MAD1L1: variants seen among roughly 807,000 people sequenced by gnomAD.
MAD1L1 encodes mitotic arrest deficient 1 like 1, also known as mitotic spindle assembly checkpoint protein MAD1.
A neutral mutation model predicts 96.9 loss-of-function variants in MAD1L1; 95 were observed. The ratio of observed to expected loss-of-function variants is 0.98; its 90% confidence interval spans 0.83 to 1.16. The LOEUF (loss-of-function observed/expected upper bound fraction) is 1.16, where lower values mean the gene tolerates loss of function less well. MAD1L1 is among the 50% of genes most tolerant of loss of function. MAD1L1 has a pLI of 0.00. For missense variants in MAD1L1, 1,007 were observed against 954.4 expected (o/e 1.06, Z -0.73); for synonymous variants, 473 against 396.6 (o/e 1.19, Z -2.29).
At chr7:2,098,949 G>A (rs1033495217) in intron 11 of MAD1L1, among the ~76,000 whole-genome samples, 1 of 151,874 alleles carries the variant, frequency 6.6e-6, no homozygotes, top group Non-Finnish European at 1.5e-5. Flanking sequence ...AGCCAAGAGG[G>A]CAGGTGGGAA....
At chr7:1,870,496 A>T (rs1275666927) in intron 18 of MAD1L1, among the ~76,000 whole-genome samples, 1 of 124,320 alleles carries the variant, frequency 8.0e-6, no homozygotes, top group Non-Finnish European at 1.7e-5. Flanking sequence ...TGAACCCAAC[A>T]TACACCTGCC....
chr7:1,969,456 T>G (rs1780312617), intron 15 of MAD1L1, among the ~76,000 whole-genome samples: 1 of 152,208 alleles, frequency 6.6e-6, no homozygotes, highest in South Asian at 2.1e-4. Flanking sequence ...GCTAAAAGCT[T>G]TTCCCCTAAA....
chr7:1,962,564 G>A (rs1779997445), intron 15 of MAD1L1, among the ~76,000 whole-genome samples: 1 of 152,096 alleles, frequency 6.6e-6, no homozygotes, highest in South Asian at 2.1e-4. Context: ...TCTGATAAAG[G>A]CCTTGTATCC....
chr7:2,020,254 C>CGG (rs150435100), intron 12 of MAD1L1, among the ~76,000 whole-genome samples: 2 of 151,760 alleles, frequency 1.3e-5, no homozygotes, highest in East Asian at 1.9e-4. Flanking sequence ...TCTCCATGAT[C>CGG]GGGGGGGGCA....
chr7:1,964,887 G>A (rs1780096075), intron 15 of MAD1L1, among the ~76,000 whole-genome samples: 1 of 152,182 alleles, frequency 6.6e-6, no homozygotes, highest in Non-Finnish European at 1.5e-5. Flanking sequence ...GGCTCCTGGG[G>A]CCTGGAGAGG....
chr7:1,966,048 T>C (rs1045539714), intron 15 of MAD1L1, among the ~76,000 whole-genome samples: 73 of 152,340 alleles, frequency 4.8e-4, no homozygotes, highest in African/African-American at 1.5e-3. Context: ...GGTTGGCCTG[T>C]GCCTGGGTCC....
At chr7:2,183,989 G>A (rs4721458) in intron 10 of MAD1L1, among the ~76,000 whole-genome samples, 44,552 of 151,986 alleles carry the variant, frequency 0.29, 7,905 homozygotes, top group East Asian at 0.56. Context: ...AGTGGCTCAC[G>A]CCTGTAATCC....
intron 10 of MAD1L1, among the ~76,000 whole-genome samples, chr7:2,164,890 G>A (rs893189482): frequency 5.9e-5 from 9 of 152,200 alleles, no homozygotes; most frequent in African/African-American, 2.2e-4. Context: ...AGGCCCAGAG[G>A]AGGTGACAGT....
chr7:1,925,249 A>G (rs1789023491), intron 17 of MAD1L1, among the ~76,000 whole-genome samples: 2 of 152,258 alleles, frequency 1.3e-5, no homozygotes, highest in African/African-American at 2.4e-5. Context: ...TGAATCGTAG[A>G]AAGTGCGTTC....
intron 16 of MAD1L1, among the ~76,000 whole-genome samples, chr7:1,952,057 C>A (rs1779523421): frequency 6.6e-6 from 1 of 152,214 alleles, no homozygotes; most frequent in Non-Finnish European, 1.5e-5. Flanking sequence ...GAATCTCAGG[C>A]TTAGTCTGCA....
chr7:2,089,028 C>G (rs1399346879), intron 11 of MAD1L1: 1 of 152,268 alleles, frequency 6.6e-6, no homozygotes, highest in Non-Finnish European at 1.5e-5. Flanking sequence ...TGAAGGTCAC[C>G]AAGTTCAGGT....
In MAD1L1 at chr7:2,075,114, G is replaced by T. The variant is rs574962729; in HGVS notation, c.1074-5776C>A. ...TCCATGAGGTGCCGGCGTCTCGAGA[G>T]GAGGGGAAGGTCCAGCAGAGGCAGC... On this transcript the variant is annotated intron_variant, in intron 11 of 18. Coordinates refer to ENST00000265854, the MANE Select transcript of MAD1L1 (RefSeq NM_001013836.2). Among the ~76,000 whole-genome samples the T allele has an allele frequency of 5.3e-5, 8 of 152,340 alleles. No homozygotes were observed. The South Asian group carries it at 1.0e-3, about 20-fold the overall frequency.
chr7:2,012,296 C>T (rs1044583742), intron 13 of MAD1L1, among the ~76,000 whole-genome samples: 13 of 152,308 alleles, frequency 8.5e-5, no homozygotes, highest in African/African-American at 1.7e-4. Flanking sequence ...AGGCCCGTGA[C>T]GAGCCAATCA....
intron 18 of MAD1L1, among the ~76,000 whole-genome samples, chr7:1,830,132 C>T (rs1782632770): frequency 6.6e-6 from 1 of 152,210 alleles, no homozygotes; most frequent in Non-Finnish European, 1.5e-5. Flanking sequence ...GCCGGTGGCT[C>T]ACGCCTGTAA....
At position 2,216,235 on chromosome 7, in the gene MAD1L1, T is replaced by A. The variant is rs936892748; in HGVS notation, c.731A>T (p.Asn244Ile). The change falls in exon 8 of 19, where the codon AAC becomes ATC. Residue 244 changes from asparagine to isoleucine, a missense_variant. Coordinates refer to ENST00000265854, the MANE Select transcript of MAD1L1 (RefSeq NM_001013836.2). ...LQEQDAAIVKNMKSELVRLPR... is the reference protein window; with the variant it reads ...LQEQDAAIVKIMKSELVRLPR... ...GAGCCGTACCAGCTCAGACTTCATG[T>A]TCTTCACAATCGCTGCATCCTGCTC... The A allele has an allele frequency of 5.0e-6, 8 of 1,614,076 alleles. No individual in the cohort carries two copies. The Admixed American group carries it at 6.7e-5, about 13-fold the overall frequency.
intron 18 of MAD1L1, chr7:1,847,674 G>A (rs1024587525): frequency 3.0e-5 from 14 of 470,526 alleles, no homozygotes; most frequent in Admixed American, 9.4e-5. Context: ...AAGCCTGGAC[G>A]CATACACTGG....
At chr7:2,064,794 C>T (rs544085269) in intron 12 of MAD1L1, among the ~76,000 whole-genome samples, 4,644 of 139,484 alleles carry the variant, frequency 0.033, 153 homozygotes, top group Admixed American at 0.093. Flanking sequence ...TCTCCCAGGA[C>T]GGAGGCTTCT....
intron 15 of MAD1L1, among the ~76,000 whole-genome samples, chr7:1,978,068 T>G (rs1343801560): frequency 2.0e-5 from 3 of 152,214 alleles, no homozygotes; most frequent in Admixed American, 6.5e-5. Context: ...GTGCACGGCC[T>G]CTCCCCCTGC....
At chr7:2,097,205 C>A (rs1280805640) in intron 11 of MAD1L1, among the ~76,000 whole-genome samples, 2 of 152,066 alleles carry the variant, frequency 1.3e-5, no homozygotes, top group African/African-American at 4.8e-5. Flanking sequence ...ACGCGCTCAC[C>A]CCTCTTGGCT....
Sources: allele counts gnomAD v4.1 joint callset (sites outside exome capture counted in the v4.1 genomes callset), GRCh38; gene constraint gnomAD v4.1.1; transcripts MANE v1.5; gene names NCBI Gene and HGNC (gene_info 2026-07-23, HGNC 2026-07-21).